The following AKAP13 variants were observed in gnomAD, a reference collection of about 807,000 sequenced individuals.
AKAP13 encodes the protein A-kinase anchoring protein 13, also known as A-kinase anchor protein 13.
In AKAP13, 80 loss-of-function variants were observed where a neutral mutation model predicts 264.5. The ratio of observed to expected loss-of-function variants is 0.30; its 90% CI spans 0.25 to 0.36. The LOEUF (loss-of-function observed/expected upper bound fraction) is 0.36. Ranked by LOEUF, AKAP13 falls within the 10% of genes least tolerant of loss-of-function variation. The pLI, the probability that AKAP13 is intolerant of heterozygous loss-of-function variation, is 1.00. For synonymous variants in AKAP13, 1,380 were observed against 1,250.2 expected, an observed-to-expected ratio of 1.10 and a Z score of -2.19; for missense variants, 3,712 against 3,435.2, an observed-to-expected ratio of 1.08 and a Z score of -2.01.
intron 8 of AKAP13, among the ~76,000 whole-genome samples, chr15:85,587,993 A>G (rs553147766): frequency 4.6e-5 from 7 of 151,714 alleles, no homozygotes; most frequent in Admixed American, 2.0e-4. Context: ...ACAGTGCCCT[A>G]TGCTTTAGAT....
intron 8 of AKAP13, among the ~76,000 whole-genome samples, chr15:85,601,906 T>C (rs1159247572): frequency 6.6e-6 from 1 of 152,046 alleles, no homozygotes; most frequent in Non-Finnish European, 1.5e-5. Context: ...AAAATTACTT[T>C]TCTACAAAAA....
chr15:85,448,386 A>G (rs536549821), intron 1 of AKAP13, among the ~76,000 whole-genome samples: 12 of 151,834 alleles, frequency 7.9e-5, no homozygotes, highest in African/African-American at 2.9e-4. Flanking sequence ...CCATTTATCA[A>G]TTTTTCCTTT....
intron 1 of AKAP13, among the ~76,000 whole-genome samples, chr15:85,430,746 C>T (rs1218826609): frequency 6.6e-6 from 1 of 152,088 alleles, no homozygotes; most frequent in Non-Finnish European, 1.5e-5. Flanking sequence ...ATATACGGGG[C>T]GTCATGCTTG....
Position 85,579,748 on chromosome 15 carries a change from C to T in AKAP13, c.1680C>T (p.Thr560=), listed in dbSNP as rs770789098. ...CACTTGCATTTAGTAATGAAGAAAC[C>T]TCCACTGAAAAAACAGCAGAAACGG... ...ESSLAFSNEE[T]STEKTAETET... The change falls in exon 7 of 37, where the codon ACC becomes ACT. Residue 560 remains threonine (T), a synonymous_variant. Coordinates refer to ENST00000394518, the MANE Select transcript of AKAP13 (RefSeq NM_007200.5). The T allele has an allele frequency of 1.7e-5, 28 of 1,614,052 alleles. No individual in the cohort carries two copies. Among genetic ancestry groups the T allele is most frequent in the African/African-American group, 2.7e-5 (2 of 74,904 alleles).
chr15:85,470,792 C>A lies in AKAP13; in HGVS notation c.-11-14918C>A, dbSNP rs571715906. Among the ~76,000 whole-genome samples the A allele has an allele frequency of 1.6e-4, 24 of 152,252 alleles. No individual in the cohort carries two copies. In the South Asian group the frequency reaches 4.8e-3, roughly 30 times the overall value. On this transcript the variant is annotated intron_variant, in intron 1 of 36. Coordinates refer to ENST00000394518, the MANE Select transcript of AKAP13 (RefSeq NM_007200.5). The stretch of plus-strand genomic sequence containing the variant: ...TTAAGCATTGACAGTGAAGAGAGTT[C>A]AGTGATTTTATGTTACTTTGGAGAT...
intron 33 of AKAP13, among the ~76,000 whole-genome samples, chr15:85,736,448 T>C (rs1219165671): frequency 1.3e-5 from 2 of 151,318 alleles, no homozygotes; most frequent in African/African-American, 4.8e-5. Flanking sequence ...TTTGTTTGTT[T>C]GTTTGAGATG....
In AKAP13 at chr15:85,483,090, C is replaced by T. The variant is rs186422573; in HGVS notation, c.-11-2620C>T. 2.6e-5 allele frequency among the ~76,000 whole-genome samples: 4 copies of T among 152,300 alleles called. No individual in the cohort carries two copies. In the East Asian group the frequency reaches 5.8e-4, roughly 22 times the overall value. Reference sequence around the variant, plus strand: ...AGATGACATCAGCCCTTTCTTAGAGCCCTCTAAGTTTGCTCAGCTTCCTCA... The same window carrying T: ...AGATGACATCAGCCCTTTCTTAGAGTCCTCTAAGTTTGCTCAGCTTCCTCA... On this transcript the variant is annotated intron_variant, in intron 1 of 36. Coordinates refer to ENST00000394518, the MANE Select transcript of AKAP13 (RefSeq NM_007200.5).
intron 6 of AKAP13, chr15:85,577,698 C>T: frequency 1.6e-6 from 1 of 636,754 alleles, no homozygotes; most frequent in Non-Finnish European, 2.0e-6. Flanking sequence ...ATAATATACT[C>T]TGACAGTATA....
At chr15:85,553,084 CTTTT>C (rs10693195) in intron 5 of AKAP13, among the ~76,000 whole-genome samples, 19 of 120,392 alleles carry the variant, frequency 1.6e-4, no homozygotes, top group Admixed American at 2.7e-4. Context: ...ATCTGTAATT[CTTTT>C]TTTTTTTTTT....
chr15:85,570,385 G>A (rs1354318092), intron 5 of AKAP13, among the ~76,000 whole-genome samples: 1 of 152,228 alleles, frequency 6.6e-6, no homozygotes, highest in African/African-American at 2.4e-5. Context: ...CTGGGAGGCA[G>A]AGGTTGCAGT....
chr15:85,697,772 C>T lies in AKAP13; in HGVS notation c.5464+4321C>T, dbSNP rs2085647897. On this transcript the variant is annotated intron_variant, in intron 17 of 36. Transcript: ENST00000394518. The stretch of plus-strand genomic sequence containing the variant: ...AATTGTTTATAAAGGAATAAGATGG[C>T]TTCTACTCTGTTGTCTGCATTAGTA... 3.3e-5 allele frequency among the ~76,000 whole-genome samples: 5 copies of T among 152,160 alleles called. No homozygotes were observed. In the South Asian group the frequency reaches 8.3e-4, roughly 25 times the overall value.
intron 1 of AKAP13, among the ~76,000 whole-genome samples, chr15:85,394,955 C>G (rs974195101): frequency 2.6e-5 from 4 of 152,154 alleles, no homozygotes; most frequent in Admixed American, 2.6e-4. Context: ...AATTTTCTTA[C>G]TATTCTTGTC....
chr15:85,507,516 A>G (rs1193749630), intron 2 of AKAP13, among the ~76,000 whole-genome samples: 1 of 152,224 alleles, frequency 6.6e-6, no homozygotes. Context: ...TGGGGATTAA[A>G]AAGGAAACAT....
chr15:85,429,861 T>C (rs1000884270), intron 1 of AKAP13, among the ~76,000 whole-genome samples: 10 of 152,206 alleles, frequency 6.6e-5, no homozygotes, highest in Non-Finnish European at 1.3e-4. Context: ...CTCCAAAGCA[T>C]GTTTGTTTTT....
intron 16 of AKAP13, among the ~76,000 whole-genome samples, chr15:85,687,281 G>A (rs2084992058): frequency 6.6e-6 from 1 of 152,020 alleles, no homozygotes; most frequent in African/African-American, 2.4e-5. Context: ...TCATCATTTT[G>A]TGTTTAAACA....
rs79028805 is a variant in AKAP13 at position 85,518,810 on chromosome 15, C to T, written c.34-2618C>T. Among the ~76,000 whole-genome samples the T allele has an allele frequency of 9.4e-3, 1,430 of 152,280 alleles. 15 individuals are homozygous for T. Among genetic ancestry groups the T allele is most frequent in the Non-Finnish European group, 0.015 (1,021 of 68,026 alleles). ...TGCCACTGCACTCCAGCCTGGGAAA[C>T]TAAGTGAGAACCTGTCTCAAACAAC... is the stretch of plus-strand genomic sequence containing the variant. On this transcript the variant is annotated intron_variant, in intron 2 of 36. Coordinates refer to ENST00000394518, the MANE Select transcript of AKAP13 (RefSeq NM_007200.5).
chr15:85,641,572 G>A (rs974344712), intron 9 of AKAP13, among the ~76,000 whole-genome samples: 8 of 151,140 alleles, frequency 5.3e-5, no homozygotes, highest in East Asian at 2.0e-4. Context: ...TGCAAGCTCC[G>A]CCTCCCAGGT....
At chr15:85,459,031 C>A (rs112351734) in intron 1 of AKAP13, among the ~76,000 whole-genome samples, 2,108 of 152,312 alleles carry the variant, frequency 0.014, 50 homozygotes, top group African/African-American at 0.048. Flanking sequence ...GAATGATTCC[C>A]AAATCTACAG....
rs778755634 is a variant in AKAP13 at position 85,656,516 on chromosome 15, G to A, written c.4745+729G>A. Among the ~76,000 whole-genome samples the A allele has an allele frequency of 1.5e-3, 222 of 152,028 alleles. 1 individual carries two copies. The highest frequency in any genetic ancestry group is 3.7e-3 in the Admixed American group (57 of 15,268). ...GGCTGGAGTGCAGCGGCGCAATCTC[G>A]GCTCCCTGCAAGCTCTGCCTCCCGG... is the stretch of plus-strand genomic sequence containing the variant. On this transcript the variant is annotated intron_variant, in intron 11 of 36. Coordinates refer to ENST00000394518, the MANE Select transcript of AKAP13 (RefSeq NM_007200.5).
Sources: allele counts gnomAD v4.1 joint callset (sites outside exome capture counted in the v4.1 genomes callset), GRCh38; gene constraint gnomAD v4.1.1; transcripts MANE v1.5; gene names NCBI Gene and HGNC (gene_info 2026-07-23, HGNC 2026-07-21).